The following DOP1B variants were observed in gnomAD, a reference collection of about 807,000 sequenced individuals.
The protein encoded by DOP1B is protein DOP1B.
In DOP1B, 174 loss-of-function variants were observed where a neutral mutation model predicts 233.5. The ratio of observed to expected loss-of-function variants is 0.75; its 90% CI spans 0.66 to 0.85. The LOEUF is 0.85. DOP1B is among the 40% of genes least tolerant of loss of function. The pLI is 0.00. For synonymous variants in DOP1B, 1,190 were observed against 1,185.6 expected (o/e 1.00, Z -0.08); for missense variants, 2,652 against 2,846.6 (o/e 0.93, Z 1.56).
intron 30 of DOP1B, 109 bp downstream of exon 30, chr21:36,278,464 C>A: frequency 8.3e-7 from 1 of 1,204,704 alleles, no homozygotes; most frequent in Non-Finnish European, 1.2e-6. Flanking sequence ...ATAGGATCAA[C>A]CCAAATAACA....
intron 13 of DOP1B, among the ~76,000 whole-genome samples, chr21:36,229,216 G>A (rs2066729361): frequency 6.6e-6 from 1 of 152,196 alleles, no homozygotes. Context: ...AAGTACCACA[G>A]ACTGGGTGGC....
Position 36,214,148 on chromosome 21 carries a change from G to A in DOP1B, c.972G>A (p.Ser324=), listed in dbSNP as rs145172682. The A allele has an allele frequency of 4.1e-5, 66 of 1,613,724 alleles. 1 individual carries two copies. Among genetic ancestry groups the A allele is most frequent in the African/African-American group, 6.7e-5 (5 of 74,876 alleles). Residue 324 remains serine (S), a synonymous_variant, in exon 8 of 37, where the codon TCG becomes TCA. Transcript: ENST00000691173. ...SEISNSYEDQ[S]SYFFEKYSKD... The stretch of plus-strand genomic sequence containing the variant: ...TCTCAAATTCTTATGAAGACCAGTC[G>A]TCTTATTTTTTTGAAAAATACTCCA...
At chr21:36,236,739 G>A (rs1033379266) in intron 15 of DOP1B, among the ~76,000 whole-genome samples, 1 of 150,610 alleles carries the variant, frequency 6.6e-6, no homozygotes, top group African/African-American at 2.4e-5. Context: ...GATGACTTTG[G>A]TGGGTTTTTC....
In DOP1B at chr21:36,281,538, G is replaced by C. The variant is rs180949192; in HGVS notation, c.6087G>C (p.Leu2029=). Residue 2029 remains leucine (L), a synonymous_variant, in exon 32 of 37, where the codon CTG becomes CTC. Transcript: ENST00000691173. The stretch of plus-strand genomic sequence containing the variant: ...CAAGTTTTGAACAGAAAGCCATGCT[G>C]TTAAAGCGCCAGGCTTTTGCTGTCT... ...LFSSFEQKAM[L]LKRQAFAVFS... is the part of the protein sequence containing the mutation. The C allele has an allele frequency of 3.4e-4, 544 of 1,610,352 alleles. No homozygotes were observed. The highest frequency in any genetic ancestry group is 4.1e-4 in the Non-Finnish European group (482 of 1,176,834).
chr21:36,214,374 A>G, intron 8 of DOP1B, 68 bp from the exon 9 acceptor site: 1 of 1,478,392 alleles, frequency 6.8e-7, no homozygotes, highest in Non-Finnish European at 9.3e-7. Context: ...AACAATTAGA[A>G]TAGCCAGTAA....
chr21:36,219,405 T>A lies in DOP1B; in HGVS notation c.1163T>A (p.Val388Asp). ...GTGGTTGGGAATTTGTTTCTCGAAG[T>A]CATCAGGGCCTTTTATTCTTACTGC... The part of the protein sequence containing the change: ...PQVVGNLFLE[V>D]IRAFYSYCRD... Residue 388 changes from valine to aspartate, a missense_variant, in exon 10 of 37, where the codon GTC becomes GAC. This residue lies in a region of DOP1B where 2,617 missense variants were observed against 2,794.3 expected (regional missense o/e 0.94). Coordinates refer to ENST00000691173, the MANE Select transcript of DOP1B (RefSeq NM_001320714.2). 1.2e-6 allele frequency: 2 copies of A among 1,614,230 alleles called. No homozygotes were observed. The highest frequency in any genetic ancestry group is 8.5e-7 in the Non-Finnish European group (1 of 1,180,048).
intron 7 of DOP1B, among the ~76,000 whole-genome samples, chr21:36,212,335 A>G (rs1027335526): frequency 3.3e-5 from 5 of 152,238 alleles, no homozygotes; most frequent in African/African-American, 1.2e-4. Context: ...TAAAATGCCA[A>G]CTGAATTCCA....
intron 24 of DOP1B, among the ~76,000 whole-genome samples, chr21:36,262,888 C>CT (rs201366271): frequency 6.9e-6 from 1 of 145,706 alleles, no homozygotes; most frequent in African/African-American, 2.5e-5. Context: ...AAGACTCTAT[C>CT]TTAAAAAACA....
chr21:36,207,783 A>G (rs932671300), intron 4 of DOP1B, among the ~76,000 whole-genome samples: 4 of 152,132 alleles, frequency 2.6e-5, no homozygotes, highest in African/African-American at 4.8e-5. Flanking sequence ...CTTTCAGGTA[A>G]TGAGTCAGAT....
intron 4 of DOP1B, among the ~76,000 whole-genome samples, chr21:36,205,154 G>A (rs1009052612): frequency 1.3e-5 from 2 of 152,190 alleles, no homozygotes; most frequent in Non-Finnish European, 2.9e-5. Flanking sequence ...TTCCATGGTT[G>A]TCCTTTTGGC....
chr21:36,167,420 C>T (rs970718411), intron 2 of DOP1B, among the ~76,000 whole-genome samples: 1 of 152,156 alleles, frequency 6.6e-6, no homozygotes, highest in African/African-American at 2.4e-5. Context: ...AGTGATCCGC[C>T]CACCTCAGCC....
intron 18 of DOP1B, among the ~76,000 whole-genome samples, chr21:36,244,561 A>C (rs1442652523): frequency 2.6e-5 from 4 of 152,102 alleles, no homozygotes; most frequent in African/African-American, 9.6e-5. Flanking sequence ...AGTAGCTGGA[A>C]TTACAAGCAC....
chr21:36,217,910 C>T (rs2123509483), intron 9 of DOP1B, among the ~76,000 whole-genome samples: 1 of 152,318 alleles, frequency 6.6e-6, no homozygotes, highest in Admixed American at 6.5e-5. Context: ...CAAAGCCATG[C>T]ACCTTGGTGA....
chr21:36,226,500 T>C (rs1002255837), intron 12 of DOP1B, among the ~76,000 whole-genome samples: 5 of 152,072 alleles, frequency 3.3e-5, no homozygotes, highest in East Asian at 3.9e-4. Flanking sequence ...GGTTTCACCA[T>C]ATTGGCCAAG....
At chr21:36,186,522 A>G (rs561238162) in intron 2 of DOP1B, among the ~76,000 whole-genome samples, 1 of 152,294 alleles carries the variant, frequency 6.6e-6, no homozygotes, top group East Asian at 1.9e-4. Flanking sequence ...ACACTGGGGA[A>G]GTGGAAATAG....
intron 26 of DOP1B, among the ~76,000 whole-genome samples, chr21:36,265,179 T>TGA (rs1055255211): frequency 1.3e-5 from 2 of 152,168 alleles, no homozygotes; most frequent in African/African-American, 2.4e-5. Context: ...GCGGATCACC[T>TGA]GAGGTCAGGG....
chr21:36,211,610 C>A lies in DOP1B; in HGVS notation c.739C>A (p.Leu247Met). Residue 247 changes from leucine to methionine, a missense_variant, in exon 6 of 37, where the codon CTG becomes ATG. By Grantham distance (15) the Leu-to-Met change is conservative. This residue lies in a region of DOP1B where 2,617 missense variants were observed against 2,794.3 expected (regional missense o/e 0.94). Transcript: ENST00000691173. ...AAATGTTCTTGTGCAAAGAAATAAT[C>A]TGGAAATCGTTCTGTTTTTCTTCCC... is the stretch of plus-strand genomic sequence containing the variant. Reference protein sequence around the residue: ...DSNVLVQRNNLEIVLFFFPFY... With the variant: ...DSNVLVQRNNMEIVLFFFPFY... The A allele has an allele frequency of 1.9e-6, 3 of 1,614,112 alleles. No individual in the cohort carries two copies. The South Asian group carries it at 3.3e-5, about 18-fold the overall frequency.
chr21:36,169,188 T>G (rs2065946120), intron 2 of DOP1B: 3 of 1,038,756 alleles, frequency 2.9e-6, no homozygotes, highest in Non-Finnish European at 4.5e-6. Context: ...CCTTTCAGCA[T>G]AACAGAGTTA....
chr21:36,214,718 CT>C (rs2066540686), intron 9 of DOP1B, among the ~76,000 whole-genome samples, 162 bp downstream of exon 9: 1 of 152,152 alleles, frequency 6.6e-6, no homozygotes, highest in Non-Finnish European at 1.5e-5. Flanking sequence ...ATGATCATAT[CT>C]GTGGTCACTT....
Sources: gnomAD v4.1 joint callset for allele counts (sites outside exome capture counted in the v4.1 genomes callset) on GRCh38, gnomAD v4.1.1 for gene constraint, gnomAD v4.1.1 regional missense constraint, MANE v1.5 for transcripts, NCBI Gene and HGNC (gene_info 2026-07-23, HGNC 2026-07-21) for gene names.